MXI1: variants seen among roughly 807,000 people sequenced by gnomAD.
MXI1 encodes the protein MAX interactor 1, dimerization protein.
In MXI1, 18 loss-of-function variants were observed where a neutral mutation model predicts 36.9. The ratio of observed to expected loss-of-function variants is 0.49; its 90% CI spans 0.34 to 0.72. The LOEUF (loss-of-function observed/expected upper bound fraction) is 0.72, where lower values mean the gene tolerates loss of function less well. Among genes scored for constraint, MXI1 ranks in the 30% least tolerant of loss-of-function variants. MXI1 has a pLI of 0.01. For missense variants in MXI1, 304 were observed against 379.1 expected (o/e 0.80, Z 1.64); for synonymous variants, 160 against 146.7 (o/e 1.09, Z -0.65).
At chr10:110,228,882 T>A (rs1483332666) in intron 2 of MXI1, among the ~76,000 whole-genome samples, 1 of 152,182 alleles carries the variant, frequency 6.6e-6, no homozygotes, top group Admixed American at 6.5e-5. Context: ...AAAATCTGTT[T>A]ATCTTTCAAG....
At chr10:110,221,084 A>T (rs566353772) in intron 1 of MXI1, among the ~76,000 whole-genome samples, 1 of 152,372 alleles carries the variant, frequency 6.6e-6, no homozygotes, top group Admixed American at 6.5e-5. Context: ...GGTCATCACC[A>T]GGAGTGAAGG....
intron 3 of MXI1, among the ~76,000 whole-genome samples, chr10:110,258,189 C>G (rs1477519992): frequency 6.6e-6 from 1 of 152,090 alleles, no homozygotes; most frequent in African/African-American, 2.4e-5. Context: ...ATCCAGTTTT[C>G]TGGATTTTAT....
intron 4 of MXI1, 128 bp downstream of exon 4, chr10:110,279,422 T>C: frequency 1.3e-6 from 1 of 762,426 alleles, no homozygotes; most frequent in Non-Finnish European, 2.1e-6. Flanking sequence ...AAGAGAAGTC[T>C]TTCTAAAAAC....
intron 3 of MXI1, among the ~76,000 whole-genome samples, chr10:110,249,309 C>CT (rs766651167): frequency 1.1e-4 from 17 of 150,774 alleles, no homozygotes; most frequent in Non-Finnish European, 2.1e-4. Context: ...TCAGAAATTG[C>CT]TTTTTTCCTT....
At chr10:110,228,359 G>T in intron 2 of MXI1, 38 bp downstream of exon 2, 1 of 1,612,408 alleles carries the variant, frequency 6.2e-7, no homozygotes, top group Non-Finnish European at 8.5e-7. Flanking sequence ...GGAACTGGAG[G>T]GAAGGAGCAC....
At chr10:110,212,972 A>G (rs1304913659) in intron 1 of MXI1, among the ~76,000 whole-genome samples, 1 of 152,232 alleles carries the variant, frequency 6.6e-6, no homozygotes, top group Non-Finnish European at 1.5e-5. Flanking sequence ...CTGGGCATAC[A>G]GTAGTAGATC....
intron 1 of MXI1, among the ~76,000 whole-genome samples, chr10:110,223,991 C>CAA (rs201838013): frequency 7.1e-6 from 1 of 141,684 alleles, no homozygotes; most frequent in Admixed American, 7.0e-5. Flanking sequence ...TTCACTTTAC[C>CAA]AAAAAAAAAG....
intron 1 of MXI1, among the ~76,000 whole-genome samples, chr10:110,225,342 T>G (rs558666993): frequency 1.3e-5 from 2 of 152,202 alleles, no homozygotes; most frequent in South Asian, 2.1e-4. Flanking sequence ...CTAAAAGCAC[T>G]AGTGAGGAGA....
intron 2 of MXI1, among the ~76,000 whole-genome samples, chr10:110,240,986 G>A (rs368208899): frequency 2.3e-4 from 35 of 151,902 alleles, no homozygotes; most frequent in Non-Finnish European, 3.8e-4. Flanking sequence ...GTACCATTTC[G>A]TATAGTTTCA....
At chr10:110,258,537 A>G (rs1856395412) in intron 3 of MXI1, among the ~76,000 whole-genome samples, 1 of 152,166 alleles carries the variant, frequency 6.6e-6, no homozygotes, top group African/African-American at 2.4e-5. Flanking sequence ...TCAGAGAGCT[A>G]TATAATTCAT....
At chr10:110,270,252 A>G (rs1440090266) in intron 3 of MXI1, among the ~76,000 whole-genome samples, 1 of 152,248 alleles carries the variant, frequency 6.6e-6, no homozygotes, top group African/African-American at 2.4e-5. Flanking sequence ...AATATGGTGA[A>G]TGAATGATCA....
intron 2 of MXI1, among the ~76,000 whole-genome samples, chr10:110,241,562 T>C (rs1359366035): frequency 6.6e-6 from 1 of 151,818 alleles, no homozygotes; most frequent in Non-Finnish European, 1.5e-5. Flanking sequence ...CATCTCTCTC[T>C]GTAATATACT....
At chr10:110,271,229 T>G (rs955420327) in intron 3 of MXI1, among the ~76,000 whole-genome samples, 2 of 152,180 alleles carry the variant, frequency 1.3e-5, no homozygotes, top group Non-Finnish European at 2.9e-5. Flanking sequence ...AAAAAAAGGT[T>G]AAGAGTTCTG....
chr10:110,252,853 A>G (rs1856148377), intron 3 of MXI1, among the ~76,000 whole-genome samples: 1 of 152,186 alleles, frequency 6.6e-6, no homozygotes, highest in African/African-American at 2.4e-5. Flanking sequence ...GAATTTTATA[A>G]TAGGCAAATA....
At chr10:110,228,798 A>G (rs184608518) in intron 2 of MXI1, among the ~76,000 whole-genome samples, 21 of 152,324 alleles carry the variant, frequency 1.4e-4, no homozygotes, top group Admixed American at 1.2e-3. Context: ...AGGGAAGACC[A>G]TGCTGTGAAA....
chr10:110,254,383 C>CCCCATCTCTCTCCCTCTTATTGT (rs1289684790), intron 3 of MXI1, among the ~76,000 whole-genome samples: 2 of 152,214 alleles, frequency 1.3e-5, no homozygotes, highest in Admixed American at 1.3e-4. Context: ...CTGGCTGTTG[C>CCCCATCTCTCTCCCTCTTATTGT]CCCATCTCTC....
At chr10:110,217,479 C>T (rs1008076717) in intron 1 of MXI1, among the ~76,000 whole-genome samples, 1 of 152,168 alleles carries the variant, frequency 6.6e-6, no homozygotes, top group South Asian at 2.1e-4. Context: ...TTTATTTCTA[C>T]AGGGGCCCAG....
At chr10:110,227,223 TGGGAGGGATGGTGCGCGGGG>T (rs1855071736) in intron 1 of MXI1, 2 of 204,098 alleles carry the variant, frequency 9.8e-6, no homozygotes, top group Non-Finnish European at 1.1e-5. Context: ...GGTGCGCGCG[TGGGAGGGATGGTGCGCGGGG>T]GGGAGGGGCG....
intron 3 of MXI1, 24 bp from the exon 4 acceptor site, chr10:110,279,156 G>A: frequency 6.5e-7 from 1 of 1,548,404 alleles, no homozygotes; most frequent in Non-Finnish European, 8.9e-7. Context: ...AGACTGTGCT[G>A]ATTTGACTTT....
Sources: gnomAD v4.1 joint callset for allele counts (sites outside exome capture counted in the v4.1 genomes callset) on GRCh38, gnomAD v4.1.1 for gene constraint, MANE v1.5 for transcripts, NCBI Gene and HGNC (gene_info 2026-07-23, HGNC 2026-07-21) for gene names.